The following SHISAL1 variants were observed in gnomAD, a reference collection of about 807,000 sequenced individuals.
SHISAL1 encodes the protein protein shisa-like-1.
A neutral mutation model predicts 22.6 loss-of-function variants in SHISAL1; 9 were observed. The observed-to-expected ratio is 0.40, with a 90% CI of 0.24 to 0.70. The LOEUF (loss-of-function observed/expected upper bound fraction) is 0.70, where lower values mean the gene tolerates loss of function less well. Ranked by LOEUF, SHISAL1 falls within the 30% of genes least tolerant of loss-of-function variation. The pLI is 0.39. For synonymous variants in SHISAL1, 119 were observed against 115.4 expected (o/e 1.03, Z -0.20); for missense variants, 246 against 270.6 (o/e 0.91, Z 0.64).
chr22:44,257,007 G>T (rs1380251190), intron 4 of SHISAL1, among the ~76,000 whole-genome samples: 1 of 152,326 alleles, frequency 6.6e-6, no homozygotes, highest in South Asian at 2.1e-4. Flanking sequence ...ATTTCAGAGC[G>T]CAGACAAAAG....
At position 44,297,021 on chromosome 22, in the gene SHISAL1, A is replaced by G. The variant is rs56838817; in HGVS notation, c.68-136T>C. 0.015 allele frequency: 10,018 copies of G among 669,912 alleles called. 804 individuals are homozygous for G. In the African/African-American group the frequency reaches 0.16, roughly 11 times the overall value. The allele number at this position is 669,912 out of a possible 1,614,324, so 41.5% of individuals were successfully genotyped here. The stretch of plus-strand genomic sequence containing the variant: ...CTGGATGCCTTTGTGGTCCACTGTG[A>G]GCCTCACCTCTGGGTTCCCATTACC... On this transcript the variant is annotated intron_variant, in intron 2 of 4. Coordinates refer to ENST00000381176, the MANE Select transcript of SHISAL1 (RefSeq NM_001099294.2).
intron 1 of SHISAL1, among the ~76,000 whole-genome samples, chr22:44,302,634 G>C (rs1264579567): frequency 6.6e-6 from 1 of 151,750 alleles, no homozygotes; most frequent in African/African-American, 2.4e-5. Flanking sequence ...AAGGCCCTGG[G>C]GTGGGTGCGG....
the SHISAL1 span, among the ~76,000 whole-genome samples, chr22:44,331,416 C>T: frequency 2.6e-5 from 4 of 151,562 alleles, no homozygotes; most frequent in East Asian, 5.9e-4. This position sits in a 1 kb window ranked among gnomAD's most constrained non-coding sequence, Gnocchi z 5.2. Context: ...GCCCCTTTCC[C>T]CGCCGCTCTC....
intron 4 of SHISAL1, among the ~76,000 whole-genome samples, chr22:44,264,041 T>G (rs534344765): frequency 1.7e-4 from 26 of 152,170 alleles, no homozygotes; most frequent in African/African-American, 6.3e-4. Context: ...ACAACCCAAG[T>G]TTCCTCAAAA....
intron 4 of SHISAL1, among the ~76,000 whole-genome samples, chr22:44,255,720 A>G (rs1569207427): frequency 1.3e-5 from 2 of 152,158 alleles, no homozygotes; most frequent in Non-Finnish European, 2.9e-5. Context: ...CCTTTCCTCA[A>G]AACTCTCAGT....
At position 44,245,033 on chromosome 22, in the gene SHISAL1, T is replaced by C. The variant is rs2147261142; in HGVS notation, c.*4652A>G. On this transcript the variant is annotated 3_prime_UTR_variant, in exon 5 of 5. Transcript: ENST00000381176. ...GGCACAGGGTATGGCCCCAGCCCAG[T>C]GAGGTATTCCTGGACTGCAAAGGGC... 6.6e-6 allele frequency: 1 copy of C among 152,438 alleles called. No individual in the cohort carries two copies. Among genetic ancestry groups the C allele is most frequent in the African/African-American group, 2.4e-5 (1 of 41,576 alleles). The allele number at this position is 152,438 out of a possible 1,614,324, so 9.4% of individuals were successfully genotyped here.
intron 4 of SHISAL1, among the ~76,000 whole-genome samples, chr22:44,263,699 G>C (rs2055142283): frequency 6.6e-6 from 1 of 152,200 alleles, no homozygotes; most frequent in Admixed American, 6.5e-5. Context: ...AGATGTCCTT[G>C]CATCTGGAAG....
chr22:44,269,037 G>A (rs2055186069), intron 4 of SHISAL1, among the ~76,000 whole-genome samples: 1 of 152,010 alleles, frequency 6.6e-6, no homozygotes, highest in Non-Finnish European at 1.5e-5. Context: ...GCCTGTCCCT[G>A]ATGCTGGGGC....
chr22:44,258,802 T>G (rs1248070347), intron 4 of SHISAL1, among the ~76,000 whole-genome samples: 1 of 152,094 alleles, frequency 6.6e-6, no homozygotes, highest in Non-Finnish European at 1.5e-5. Flanking sequence ...ACATGAAAAG[T>G]GAAAACACTT....
intron 1 of SHISAL1, among the ~76,000 whole-genome samples, chr22:44,307,866 T>G (rs531357115): frequency 6.6e-6 from 1 of 152,304 alleles, no homozygotes; most frequent in African/African-American, 2.4e-5. Context: ...CAGGGCAGGA[T>G]GCAGGATGGC....
chr22:44,264,791 C>T lies in SHISAL1; in HGVS notation c.*-15106G>A, dbSNP rs1306857035. Among the ~76,000 whole-genome samples the T allele has an allele frequency of 3.9e-5, 6 of 152,130 alleles. No individual in the cohort carries two copies. The East Asian group carries it at 1.2e-3, about 30-fold the overall frequency. On this transcript the variant is annotated intron_variant, in intron 4 of 4. Coordinates refer to ENST00000381176, the MANE Select transcript of SHISAL1 (RefSeq NM_001099294.2). ...GGTCCCCAACACACACACCACAGCC[C>T]CCAGCAATTCACAAGCCATGTGACC...
intron 3 of SHISAL1, among the ~76,000 whole-genome samples, chr22:44,294,977 G>A (rs1192330328): frequency 1.3e-5 from 2 of 152,168 alleles, no homozygotes; most frequent in African/African-American, 4.8e-5. Context: ...GGAAATGTTT[G>A]ACATCATAAA....
At chr22:44,296,995 C>T (rs2055391829) in intron 2 of SHISAL1, 110 bp from the exon 3 acceptor site, 6 of 810,076 alleles carry the variant, frequency 7.4e-6, no homozygotes, top group Non-Finnish European at 1.2e-5. Context: ...TCTTCCCTCC[C>T]CTGGATGCCT....
upstream of SHISAL1, among the ~76,000 whole-genome samples, chr22:44,316,677 C>T (rs745639653): frequency 1.8e-4 from 28 of 152,320 alleles, no homozygotes; most frequent in African/African-American, 6.3e-4. Context: ...AACCAGCAAC[C>T]CTGGCATCTC....
chr22:44,313,392 G>A (rs550122689), upstream of SHISAL1, among the ~76,000 whole-genome samples: 4 of 152,342 alleles, frequency 2.6e-5, no homozygotes, highest in African/African-American at 9.6e-5. Context: ...AGCCCGGGGA[G>A]GAAGGGTAGC....
chr22:44,264,541 G>C (rs112525752), intron 4 of SHISAL1, among the ~76,000 whole-genome samples: 1 of 152,188 alleles, frequency 6.6e-6, no homozygotes, highest in African/African-American at 2.4e-5. Flanking sequence ...TGGGGCACAG[G>C]TGGGGTGTCC....
chr22:44,269,222 C>G (rs2055187679), intron 4 of SHISAL1, among the ~76,000 whole-genome samples: 1 of 150,376 alleles, frequency 6.6e-6, no homozygotes, highest in Admixed American at 6.6e-5. Context: ...ACACACACAC[C>G]ACGCCACACA....
At chr22:44,253,281 G>A (rs2055061465) in intron 4 of SHISAL1, among the ~76,000 whole-genome samples, 1 of 152,056 alleles carries the variant, frequency 6.6e-6, no homozygotes, top group South Asian at 2.1e-4. Flanking sequence ...AAAAAAGAAG[G>A]GCACTGTGTG....
intron 3 of SHISAL1, among the ~76,000 whole-genome samples, chr22:44,294,655 G>T (rs998488509): frequency 6.6e-6 from 1 of 152,114 alleles, no homozygotes; most frequent in Non-Finnish European, 1.5e-5. Context: ...GCAAGGTAGG[G>T]TGATAAAATT....
Sources: allele counts gnomAD v4.1 joint callset (sites outside exome capture counted in the v4.1 genomes callset), GRCh38; gene constraint gnomAD v4.1.1; non-coding constraint Gnocchi (gnomAD v3.1); transcripts MANE v1.5; gene names NCBI Gene and HGNC (gene_info 2026-07-23, HGNC 2026-07-21).